Variants in KLHDC4 observed in about 807,000 individuals in gnomAD.
KLHDC4 encodes the protein kelch domain containing 4, also known as kelch domain-containing protein 4.
In KLHDC4, 90 loss-of-function variants were observed where a neutral mutation model predicts 62.4. The observed-to-expected ratio is 1.44, with a 90% CI of 1.22 to 1.72. The LOEUF (loss-of-function observed/expected upper bound fraction) is 1.72, where lower values mean the gene tolerates loss of function less well. Among genes scored for constraint, KLHDC4 ranks in the 40% most tolerant of loss-of-function variants. The pLI is 0.00. For synonymous variants in KLHDC4, 386 were observed against 284.4 expected, an observed-to-expected ratio of 1.36 and a Z score of -3.59; for missense variants, 1,025 against 699.7, an observed-to-expected ratio of 1.47 and a Z score of -5.25.
At chr16:87,702,160 A>G in exon 1 of KLHDC4, 1 of 456,074 alleles carries the variant, frequency 2.2e-6, no homozygotes, top group South Asian at 1.5e-5. Context: ...TCCAGCAGAT[A>G]TGGGTTCAAC....
At chr16:87,726,139 C>G (rs1326272970) in intron 7 of KLHDC4, among the ~76,000 whole-genome samples, 1 of 152,080 alleles carries the variant, frequency 6.6e-6, no homozygotes, top group African/African-American at 2.4e-5. Context: ...GTTCATGAAA[C>G]TGAAGAGACC....
intron 9 of KLHDC4, chr16:87,710,906 G>C (rs1238802714): frequency 1.4e-5 from 4 of 275,958 alleles, no homozygotes; most frequent in Non-Finnish European, 2.8e-5. Flanking sequence ...GGAAGCTCAA[G>C]GGTCATAACA....
chr16:87,756,203 G>A (rs769618563), intron 3 of KLHDC4, 196 bp downstream of exon 3: 5 of 492,570 alleles, frequency 1.0e-5, no homozygotes, highest in Non-Finnish European at 1.9e-5. Context: ...AGAGACCCCA[G>A]GACCACTGAA....
At chr16:87,727,181 T>TTTACCAAC (rs3834959) in intron 6 of KLHDC4, among the ~76,000 whole-genome samples, 1 of 151,388 alleles carries the variant, frequency 6.6e-6, no homozygotes, top group African/African-American at 2.4e-5. Flanking sequence ...GGGCAACATT[T>TTTACCAAC]TCACCTGTTT....
At chr16:87,719,171 C>T (rs1404847862) in intron 7 of KLHDC4, among the ~76,000 whole-genome samples, 1 of 152,232 alleles carries the variant, frequency 6.6e-6, no homozygotes, top group Non-Finnish European at 1.5e-5. Context: ...GGGAGGAGTA[C>T]CCAACAGCTC....
chr16:87,756,568 AAACT>A (rs1294233417), intron 2 of KLHDC4, 91 bp from the exon 3 acceptor site: 2 of 921,810 alleles, frequency 2.2e-6, no homozygotes, highest in Non-Finnish European at 3.5e-6. Context: ...CTGTCACCAC[AAACT>A]GGCTGCCTCT....
exon 14 of KLHDC4, chr16:87,702,299 C>CT: frequency 2.2e-6 from 1 of 456,284 alleles, no homozygotes; most frequent in Non-Finnish European, 4.4e-6. Flanking sequence ...GAGGGCCGGT[C>CT]TGCCGGGGGC....
rs1269784677 is a variant in KLHDC4, at chr16:87,711,398, G to A, written c.881C>T (p.Thr294Ile). Residue 294 changes from threonine to isoleucine, a missense_variant, in exon 9 of 12, where the codon ACC (threonine) becomes ATC (isoleucine). By Grantham distance (89) the Thr-to-Ile change is moderately conservative. Coordinates refer to ENST00000270583, the MANE Select transcript of KLHDC4 (RefSeq NM_017566.4). ...TRMNPSGVKP[T>I]PRSGFSVAMA... ...GGCCACGGAAAAGCCAGACCGTGGG[G>A]TGGGCTTGACCCCCGAAGGGTTCAT... The A allele has an allele frequency of 3.1e-6, 5 of 1,613,464 alleles. No homozygotes were observed. The highest frequency in any genetic ancestry group is 1.7e-5 in the Admixed American group (1 of 60,026).
chr16:87,710,384 A>T (rs1020247470), intron 9 of KLHDC4: 3 of 152,200 alleles, frequency 2.0e-5, no homozygotes, highest in African/African-American at 7.2e-5. Flanking sequence ...GATCAACCCA[A>T]AGTCAGCTTC....
chr16:87,724,829 A>G (rs892821369), intron 7 of KLHDC4, among the ~76,000 whole-genome samples: 7 of 152,238 alleles, frequency 4.6e-5, no homozygotes, highest in South Asian at 2.1e-4. Flanking sequence ...TCCACTCCAG[A>G]TATCTATTTA....
chr16:87,731,514 G>A (rs981905737), intron 5 of KLHDC4, among the ~76,000 whole-genome samples: 5 of 152,054 alleles, frequency 3.3e-5, no homozygotes, highest in South Asian at 4.2e-4. Flanking sequence ...CCAACATCAC[G>A]AGCGGTCAGG....
intron 2 of KLHDC4, among the ~76,000 whole-genome samples, chr16:87,760,724 A>G (rs2143447311): frequency 6.6e-6 from 1 of 152,058 alleles, no homozygotes; most frequent in Middle Eastern, 3.4e-3. Context: ...ATTTGCTCCA[A>G]TAACTCAAAT....
At chr16:87,750,705 G>A (rs369819197) in intron 4 of KLHDC4, among the ~76,000 whole-genome samples, 12 of 152,290 alleles carry the variant, frequency 7.9e-5, no homozygotes, top group African/African-American at 2.2e-4. Flanking sequence ...TGTTCCGCCC[G>A]CCCGCACATA....
intron 6 of KLHDC4, among the ~76,000 whole-genome samples, chr16:87,728,405 A>G (rs543712736): frequency 1.3e-5 from 2 of 152,378 alleles, no homozygotes; most frequent in South Asian, 4.1e-4. Context: ...AGATAAATAC[A>G]GAATATTTTC....
downstream of KLHDC4, among the ~76,000 whole-genome samples, chr16:87,705,193 G>T (rs2034519187): frequency 6.6e-6 from 1 of 152,208 alleles, no homozygotes; most frequent in Admixed American, 6.5e-5. Context: ...CGCGCCAGCA[G>T]CTCCCGGGAG....
At chr16:87,707,341 C>G (rs2034862024), downstream of KLHDC4, among the ~76,000 whole-genome samples, 1 of 152,222 alleles carries the variant, frequency 6.6e-6, no homozygotes, top group African/African-American at 2.4e-5. Context: ...AAATGCTAAT[C>G]CTAAACCCTA....
downstream of KLHDC4, among the ~76,000 whole-genome samples, chr16:87,704,052 A>G (rs2034355373): frequency 6.6e-6 from 1 of 152,216 alleles, no homozygotes; most frequent in Non-Finnish European, 1.5e-5. Flanking sequence ...TCACAGCTAG[A>G]GCTCGGCTCC....
intron 7 of KLHDC4, among the ~76,000 whole-genome samples, chr16:87,715,222 A>G (rs1180468068): frequency 6.6e-6 from 1 of 151,724 alleles, no homozygotes; most frequent in Non-Finnish European, 1.5e-5. Context: ...GCCCCCATCC[A>G]TTTCCATCTC....
At position 87,720,924 on chromosome 16, in the gene KLHDC4, C is replaced by T. The variant is rs537540644; in HGVS notation, c.759+5841G>A. ...CTCTCCAGTCACTCAGTCCTTTCTC[C>T]TGGAACCGGGTCAAGTCCCTCTGCG... On this transcript the variant is annotated intron_variant, in intron 7 of 11. Coordinates refer to ENST00000270583, the MANE Select transcript of KLHDC4 (RefSeq NM_017566.4). Among the ~76,000 whole-genome samples, 11 of 152,356 alleles carry T rather than the reference C, an allele frequency of 7.2e-5. No homozygotes were observed. The South Asian group carries it at 1.9e-3, about 26-fold the overall frequency.
Sources: allele counts gnomAD v4.1 joint callset (sites outside exome capture counted in the v4.1 genomes callset), GRCh38; gene constraint gnomAD v4.1.1; transcripts MANE v1.5; gene names NCBI Gene and HGNC (gene_info 2026-07-23, HGNC 2026-07-21).